Variants in CAPN11 observed in about 807,000 individuals in gnomAD.
The protein encoded by CAPN11 is calpain 11, also known as calpain-11.
In CAPN11, 108 loss-of-function variants were observed where a neutral mutation model predicts 105.3. The ratio of observed to expected loss-of-function variants is 1.03; its 90% confidence interval spans 0.88 to 1.20. CAPN11 has a LOEUF of 1.20. Among genes scored for constraint, CAPN11 ranks in the 50% most tolerant of loss-of-function variants. The probability of loss-of-function intolerance (pLI) is 0.00; values close to 1 mark genes in which losing one functional copy is unlikely to be tolerated. For missense variants in CAPN11, 883 were observed against 924.8 expected, an observed-to-expected ratio of 0.95 and a Z score of 0.59; for synonymous variants, 329 against 344.5, an observed-to-expected ratio of 0.96 and a Z score of 0.50.
chr6:44,170,508 G>A (rs1770795865), intron 4 of CAPN11, among the ~76,000 whole-genome samples: 1 of 152,168 alleles, frequency 6.6e-6, no homozygotes, highest in Non-Finnish European at 1.5e-5. Context: ...TCTCCATGGG[G>A]CTGCTTGAGT....
intron 19 of CAPN11, among the ~76,000 whole-genome samples, 199 bp downstream of exon 19, chr6:44,181,519 GA>G (rs1561854117): frequency 1.3e-4 from 6 of 46,348 alleles, no homozygotes; most frequent in East Asian, 6.5e-4. Flanking sequence ...CTCACATACA[GA>G]CACAACCACA....
intron 1 of CAPN11, among the ~76,000 whole-genome samples, chr6:44,164,199 A>C (rs987380882): frequency 3.9e-5 from 6 of 152,182 alleles, no homozygotes; most frequent in African/African-American, 1.4e-4. Flanking sequence ...TTGAACACTT[A>C]CTATGTACTC....
At chr6:44,179,822 G>A (rs1772823547) in intron 13 of CAPN11, 130 bp from the exon 14 acceptor site, 2 of 887,118 alleles carry the variant, frequency 2.3e-6, no homozygotes, top group Non-Finnish European at 3.7e-6. Flanking sequence ...CCACTTAGAT[G>A]GTGTCCAGGC....
At position 44,183,713 on chromosome 6, in the gene CAPN11, C is replaced by G; in HGVS notation, c.2143C>G (p.Leu715Val). The change falls in exon 22 of 23, where the codon CTA becomes GTA. Residue 715 changes from leucine to valine, a missense_variant. By Grantham distance (32) the Leu-to-Val change is conservative (BLOSUM62 1). Transcript: ENST00000398776. ...CTTCCTCTGTAACGCAGCATTCTTTCTAACCATGGACCCCAAGAATACTGG... is the reference window on the plus strand; with the variant it reads ...CTTCCTCTGTAACGCAGCATTCTTTGTAACCATGGACCCCAAGAATACTGG... ...LRLKTMFTFF[L>V]TMDPKNTGHI... 6.2e-7 allele frequency: 1 copy of G among 1,613,866 alleles called. No homozygotes were observed. Among genetic ancestry groups the G allele is most frequent in the Non-Finnish European group, 8.5e-7 (1 of 1,179,818 alleles).
intron 12 of CAPN11, among the ~76,000 whole-genome samples, chr6:44,178,750 T>TAAAAAA (rs35225903): frequency 1.7e-5 from 2 of 116,066 alleles, no homozygotes; most frequent in African/African-American, 3.2e-5. Flanking sequence ...CTGTCTCGAT[T>TAAAAAA]AAAAAAAAAA....
chr6:44,170,274 A>T (rs918675010), intron 4 of CAPN11, among the ~76,000 whole-genome samples: 3 of 152,156 alleles, frequency 2.0e-5, no homozygotes, highest in South Asian at 2.1e-4. Flanking sequence ...AAAATTTCTT[A>T]TCTCACGGTT....
intron 2 of CAPN11, among the ~76,000 whole-genome samples, chr6:44,167,106 G>A (rs1330121122): frequency 1.3e-5 from 2 of 152,086 alleles, no homozygotes; most frequent in Non-Finnish European, 2.9e-5. Flanking sequence ...CACTCGCCCA[G>A]TGCCACCTGC....
At chr6:44,180,425 CT>C (rs1214352548) in intron 14 of CAPN11, 34 bp from the exon 15 acceptor site, 2 of 1,611,908 alleles carry the variant, frequency 1.2e-6, no homozygotes, top group Admixed American at 1.7e-5. Flanking sequence ...CTCCCTCCCC[CT>C]GGTAACTCTT....
At chr6:44,160,175 C>T (rs1181469986) in intron 1 of CAPN11, among the ~76,000 whole-genome samples, 1 of 152,040 alleles carries the variant, frequency 6.6e-6, no homozygotes, top group African/African-American at 2.4e-5. Flanking sequence ...TTTAAGTGTT[C>T]TCACCACAAA....
Position 44,176,946 on chromosome 6 carries a change from C to T in CAPN11, c.1185C>T (p.Tyr395=), listed in dbSNP as rs775516151. 34 of 1,613,790 alleles carry T rather than the reference C, an allele frequency of 2.1e-5. No individual in the cohort carries two copies. In the Admixed American group the frequency reaches 3.0e-4, roughly 14 times the overall value. ...DYKSYWHTTF[Y]EGSWRRGSSA... ...AGAGCTACTGGCACACCACCTTCTA[C>T]GAGGGCAGCTGGCGCAGAGGCAGCT... Residue 395 remains tyrosine, a synonymous_variant, in exon 11 of 23, where the codon TAC becomes TAT. Transcript: ENST00000398776.
At chr6:44,166,943 A>ATGTCTGTCTTTTTGGGGGGGGG in intron 2 of CAPN11, 114 bp downstream of exon 2, 1 of 251,972 alleles carries the variant, frequency 4.0e-6, no homozygotes. Flanking sequence ...TTGTGTGGGG[A>ATGTCTGTCTTTTTGGGGGGGGG]GGGCGGCGGG....
chr6:44,180,668 C>T lies in CAPN11; in HGVS notation c.1746+6C>T, dbSNP rs200533659. 273 of 1,613,620 alleles carry T rather than the reference C, an allele frequency of 1.7e-4. 1 individual carries two copies. In the African/African-American group the frequency reaches 3.3e-3, roughly 19 times the overall value. ...TTAAGATAGTGGCAGGAGAGGTGAG[C>T]AGGCCACGAGCGGAGGGCTGACAGG... is the stretch of plus-strand genomic sequence containing the variant. On this transcript the variant is annotated splice_donor_region_variant and intron_variant, in intron 16 of 22. Transcript: ENST00000398776.
At chr6:44,167,916 G>GAAAA (rs33957790) in intron 2 of CAPN11, among the ~76,000 whole-genome samples, 1 of 148,432 alleles carries the variant, frequency 6.7e-6, no homozygotes, top group African/African-American at 2.5e-5. Flanking sequence ...ACTCTGTTTT[G>GAAAA]AAAAAAAAAA....
chr6:44,172,826 T>C, intron 5 of CAPN11, 114 bp from the exon 6 acceptor site: 1 of 1,225,410 alleles, frequency 8.2e-7, no homozygotes, highest in Non-Finnish European at 1.1e-6. Flanking sequence ...TCCCTCTCTA[T>C]TCAGTGATTC....
At chr6:44,174,616 CTTTTTTTTTT>C (rs56119973) in intron 7 of CAPN11, among the ~76,000 whole-genome samples, 1 of 81,498 alleles carries the variant, frequency 1.2e-5, no homozygotes, top group East Asian at 3.4e-4. Context: ...TCACGATATT[CTTTTTTTTTT>C]TTTTTTTTTT....
In CAPN11 at chr6:44,169,400, C is replaced by T. The variant is rs1368275536; in HGVS notation, c.208C>T (p.Arg70Ter). Residue 70 changes from arginine (R) to a stop codon, truncating the protein, a stop_gained, in exon 3 of 23, where the codon CGA (arginine) becomes TGA (stop). Transcript: ENST00000398776. LOFTEE classifies it high-confidence loss of function. ...NFGNQSFEEL[R>*]AACLRKGELF... ...TGGTAACCAGAGCTTTGAGGAGCTG[C>T]GAGCAGCCTGTCTAAGAAAGGGGGA... 5.6e-6 allele frequency: 9 copies of T among 1,613,844 alleles called. No homozygotes were observed. The highest frequency in any genetic ancestry group is 3.3e-5 in the South Asian group (3 of 91,072).
intron 7 of CAPN11, among the ~76,000 whole-genome samples, 189 bp downstream of exon 7, chr6:44,173,575 T>TTG (rs1262841164): frequency 9.7e-4 from 90 of 92,980 alleles, no homozygotes; most frequent in Admixed American, 1.5e-3. Context: ...TTTTTGTTTT[T>TTG]TTTTGTTTGT....
chr6:44,160,089 G>A (rs187115175), intron 1 of CAPN11, among the ~76,000 whole-genome samples: 5 of 151,796 alleles, frequency 3.3e-5, no homozygotes, highest in African/African-American at 7.2e-5. Context: ...AGCCGAGATC[G>A]TGCCACCGCA....
intron 12 of CAPN11, among the ~76,000 whole-genome samples, chr6:44,178,216 G>T (rs1253257757): frequency 6.6e-6 from 1 of 152,058 alleles, no homozygotes; most frequent in Non-Finnish European, 1.5e-5. Context: ...GAGCCTGCGG[G>T]CCAGAGACAT....
Sources: allele counts gnomAD v4.1 joint callset (sites outside exome capture counted in the v4.1 genomes callset), GRCh38; gene constraint gnomAD v4.1.1; transcripts MANE v1.5; gene names NCBI Gene and HGNC (gene_info 2026-07-23, HGNC 2026-07-21).